The following CGNL1 variants were observed in gnomAD, a reference collection of about 807,000 sequenced individuals.
CGNL1 encodes cingulin like 1.
CGNL1 carries 132 observed loss-of-function variants against 141.2 expected under a neutral mutation model. The ratio of observed to expected loss-of-function variants is 0.93; its 90% CI spans 0.81 to 1.08. The LOEUF (loss-of-function observed/expected upper bound fraction) is 1.08, where lower values mean the gene tolerates loss of function less well. CGNL1 is among the 50% of genes least tolerant of loss of function. CGNL1 has a pLI of 0.00. For missense variants in CGNL1, 1,870 were observed against 1,588.6 expected (o/e 1.18, Z -3.01); for synonymous variants, 690 against 622.1 (o/e 1.11, Z -1.63).
chr15:57,489,311 C>T (rs2063826588), intron 8 of CGNL1, among the ~76,000 whole-genome samples: 1 of 152,138 alleles, frequency 6.6e-6, no homozygotes, highest in African/African-American at 2.4e-5. Flanking sequence ...TAATCAAGAG[C>T]ATACCTAATT....
intron 8 of CGNL1, among the ~76,000 whole-genome samples, chr15:57,476,983 A>G (rs1255396094): frequency 6.6e-6 from 1 of 152,148 alleles, no homozygotes; most frequent in South Asian, 2.1e-4. Context: ...CCAAGCACAC[A>G]TATTTCTCCT....
chr15:57,523,854 G>A (rs190368322), intron 11 of CGNL1, among the ~76,000 whole-genome samples: 1 of 152,286 alleles, frequency 6.6e-6, no homozygotes, highest in Admixed American at 6.5e-5. Context: ...TCTGGATTCT[G>A]GGCACCAGAA....
At chr15:57,407,834 C>T (rs141117384) in intron 1 of CGNL1, among the ~76,000 whole-genome samples, 3,620 of 151,092 alleles carry the variant, frequency 0.024, 56 homozygotes, top group East Asian at 0.04. Context: ...CTGCAACCTC[C>T]GTCTCCTGGG....
intron 8 of CGNL1, among the ~76,000 whole-genome samples, chr15:57,479,629 A>G (rs1352173756): frequency 6.6e-6 from 1 of 152,246 alleles, no homozygotes; most frequent in African/African-American, 2.4e-5. Context: ...GTGCCACTGC[A>G]CTTCAGCCTG....
At chr15:57,457,096 G>T (rs2063389149) in intron 7 of CGNL1, among the ~76,000 whole-genome samples, 1 of 152,136 alleles carries the variant, frequency 6.6e-6, no homozygotes, top group Non-Finnish European at 1.5e-5. Context: ...TTCTTTGTCA[G>T]CTACCGTTGC....
chr15:57,515,179 C>T (rs1980048), intron 8 of CGNL1, among the ~76,000 whole-genome samples: 29,608 of 152,138 alleles, frequency 0.19, 3,496 homozygotes, highest in East Asian at 0.46. Flanking sequence ...CATTAGGAGA[C>T]GATATCCTGA....
At chr15:57,476,468 C>T (rs2063658773) in intron 8 of CGNL1, among the ~76,000 whole-genome samples, 1 of 152,192 alleles carries the variant, frequency 6.6e-6, no homozygotes, top group Non-Finnish European at 1.5e-5. Flanking sequence ...ATTCATTCAA[C>T]AAATATTCTT....
intron 6 of CGNL1, among the ~76,000 whole-genome samples, 160 bp downstream of exon 6, chr15:57,452,449 C>T (rs1291870248): frequency 1.3e-5 from 2 of 152,140 alleles, no homozygotes; most frequent in Admixed American, 6.5e-5. Flanking sequence ...ATGAAGCTGG[C>T]GACACATGTA....
chr15:57,391,906 C>G (rs2152232231), intron 1 of CGNL1, among the ~76,000 whole-genome samples: 1 of 151,964 alleles, frequency 6.6e-6, no homozygotes, highest in Middle Eastern at 3.4e-3. Flanking sequence ...AGAAAAGATG[C>G]AAATCAGCAT....
At chr15:57,498,949 A>T (rs763681890) in intron 8 of CGNL1, among the ~76,000 whole-genome samples, 4 of 151,874 alleles carry the variant, frequency 2.6e-5, no homozygotes, top group African/African-American at 4.8e-5. Flanking sequence ...AATTAAGGAG[A>T]TTTGTTTTTT....
intron 14 of CGNL1, among the ~76,000 whole-genome samples, chr15:57,533,370 A>G (rs1379139345): frequency 1.3e-5 from 2 of 152,142 alleles, no homozygotes; most frequent in Non-Finnish European, 2.9e-5. Flanking sequence ...TTGTTACTGA[A>G]GACTTTGTTT....
At chr15:57,504,446 G>GT (rs1244351105) in intron 8 of CGNL1, among the ~76,000 whole-genome samples, 3 of 152,218 alleles carry the variant, frequency 2.0e-5, no homozygotes, top group African/African-American at 7.2e-5. Flanking sequence ...TCCAGATTTT[G>GT]TTTTTAATGG....
At chr15:57,531,543 A>G (rs2031951330) in intron 13 of CGNL1, 147 bp from the exon 14 acceptor site, 2 of 628,474 alleles carry the variant, frequency 3.2e-6, no homozygotes, top group East Asian at 2.6e-5. Context: ...GCTTTGGGCA[A>G]TGTAAGAAAT....
chr15:57,422,808 G>A (rs998581860), intron 1 of CGNL1, among the ~76,000 whole-genome samples: 38 of 152,190 alleles, frequency 2.5e-4, no homozygotes, highest in African/African-American at 8.4e-4. Context: ...CATTACTGGT[G>A]TAAGAAAAGT....
chr15:57,501,577 G>A (rs1268134730), intron 8 of CGNL1, among the ~76,000 whole-genome samples: 1 of 152,202 alleles, frequency 6.6e-6, no homozygotes, highest in Non-Finnish European at 1.5e-5. Flanking sequence ...CGGGGTGTTG[G>A]CCATAGAGGG....
chr15:57,510,787 C>T (rs1265263983), intron 8 of CGNL1, among the ~76,000 whole-genome samples: 3 of 152,152 alleles, frequency 2.0e-5, no homozygotes, highest in Admixed American at 6.5e-5. Flanking sequence ...CGTGTAGTTG[C>T]AAGTCCTGGG....
At chr15:57,511,792 G>A (rs372328292) in intron 8 of CGNL1, among the ~76,000 whole-genome samples, 387 of 152,324 alleles carry the variant, frequency 2.5e-3, no homozygotes, top group Non-Finnish European at 4.7e-3. Context: ...AGTGGCAGAG[G>A]AATCGACTAC....
intron 1 of CGNL1, among the ~76,000 whole-genome samples, chr15:57,390,119 G>A (rs1182366190): frequency 6.6e-6 from 1 of 152,198 alleles, no homozygotes; most frequent in African/African-American, 2.4e-5. Context: ...CCTGGCCCCA[G>A]ATCCCAGTTC....
intron 8 of CGNL1, among the ~76,000 whole-genome samples, chr15:57,493,870 G>A (rs1193730599): frequency 6.6e-6 from 1 of 152,200 alleles, no homozygotes; most frequent in African/African-American, 2.4e-5. Flanking sequence ...TAGTTATGGA[G>A]CTCCAATTGT....
Sources: gnomAD v4.1 joint callset for allele counts (sites outside exome capture counted in the v4.1 genomes callset) on GRCh38, gnomAD v4.1.1 for gene constraint, MANE v1.5 for transcripts, NCBI Gene and HGNC (gene_info 2026-07-23, HGNC 2026-07-21) for gene names.